ROBO2: variants seen among roughly 807,000 people sequenced by gnomAD.
ROBO2 encodes roundabout homolog 2.
ROBO2 carries 53 observed loss-of-function variants against 160.8 expected under a neutral mutation model. The ratio of observed to expected loss-of-function variants is 0.33; its 90% CI spans 0.26 to 0.41. The LOEUF (loss-of-function observed/expected upper bound fraction) is 0.41. ROBO2 is among the 10% of genes least tolerant of loss of function. ROBO2 has a pLI of 1.00. For synonymous variants in ROBO2, 664 were observed against 611.7 expected (o/e 1.09, Z -1.26); for missense variants, 1,577 against 1,722.4 (o/e 0.92, Z 1.49).
At chr3:76,730,350 C>G (rs149980408) in intron 2 of ROBO2, among the ~76,000 whole-genome samples, 211 of 55,192 alleles carry the variant, frequency 3.8e-3, no homozygotes, top group East Asian at 0.011. Context: ...CTCTCCTCAC[C>G]TCCTACTCCC....
chr3:76,563,077 G>C (rs2084299616), intron 2 of ROBO2, among the ~76,000 whole-genome samples: 1 of 151,970 alleles, frequency 6.6e-6, no homozygotes, highest in African/African-American at 2.4e-5. Context: ...ATCTCTGAAA[G>C]TTTGCCTATC....
chr3:76,338,482 G>A (rs980279606), intron 2 of ROBO2, among the ~76,000 whole-genome samples: 2 of 151,926 alleles, frequency 1.3e-5, no homozygotes, highest in African/African-American at 4.8e-5. Context: ...TTCAAGACCA[G>A]CCTGGGCGTC....
At chr3:76,999,375 T>C (rs146802103) in intron 2 of ROBO2, among the ~76,000 whole-genome samples, 2 of 152,214 alleles carry the variant, frequency 1.3e-5, no homozygotes, top group African/African-American at 4.8e-5. Context: ...GGGTTACCTA[T>C]AAATCCCTTA....
intron 2 of ROBO2, among the ~76,000 whole-genome samples, chr3:76,042,212 A>G: frequency 6.6e-6 from 1 of 152,182 alleles, no homozygotes; most frequent in South Asian, 2.1e-4. Context: ...TGATTAGTAC[A>G]TTAACATAAT....
At chr3:76,180,905 C>T (rs1701471780) in intron 2 of ROBO2, among the ~76,000 whole-genome samples, 1 of 152,116 alleles carries the variant, frequency 6.6e-6, no homozygotes. Context: ...GCCACCCCAC[C>T]TTCCCACTCT....
chr3:77,585,866 T>C (rs569188349), intron 16 of ROBO2, among the ~76,000 whole-genome samples: 1 of 152,236 alleles, frequency 6.6e-6, no homozygotes, highest in East Asian at 1.9e-4. Flanking sequence ...TCCCATTGTC[T>C]ATTCAGAACT....
At chr3:75,987,649 T>C (rs1265296549) in intron 2 of ROBO2, among the ~76,000 whole-genome samples, 1 of 152,044 alleles carries the variant, frequency 6.6e-6, no homozygotes, top group Non-Finnish European at 1.5e-5. Flanking sequence ...GGTAAAACTT[T>C]CAGTCTTTTA....
At chr3:76,486,272 A>C (rs976353528) in intron 2 of ROBO2, among the ~76,000 whole-genome samples, 1 of 152,188 alleles carries the variant, frequency 6.6e-6, no homozygotes, top group Non-Finnish European at 1.5e-5. Flanking sequence ...TGGAGAAGGA[A>C]GAACTCAGAC....
intron 5 of ROBO2, among the ~76,000 whole-genome samples, chr3:77,513,044 A>G (rs2089596620): frequency 6.6e-6 from 1 of 151,918 alleles, no homozygotes; most frequent in East Asian, 1.9e-4. Flanking sequence ...CTTCCAAGAA[A>G]AACAAAGGTG....
chr3:77,389,629 CT>C (rs896195306), intron 2 of ROBO2, among the ~76,000 whole-genome samples: 39 of 152,024 alleles, frequency 2.6e-4, no homozygotes, highest in South Asian at 1.5e-3. Context: ...ATCTTCTTTC[CT>C]TTTTTTCTTC....
rs182448367 is a variant in ROBO2, at chr3:76,137,522, T to C, written c.109+199920T>C. Among the ~76,000 whole-genome samples, 19 of 152,140 alleles carry C rather than the reference T, an allele frequency of 1.2e-4. No homozygotes were observed. In the East Asian group the frequency reaches 2.7e-3, roughly 22 times the overall value. ...GAAATAACTCCAAGAACAGTTTTTA[T>C]ACTTTAATTTCACATTGAAAATTAG... On this transcript the variant is annotated intron_variant, in intron 2 of 26. Coordinates refer to the ROBO2 transcript ENST00000487694.
At chr3:77,272,419 G>C (rs11924337) in intron 2 of ROBO2, among the ~76,000 whole-genome samples, 32,761 of 151,946 alleles carry the variant, frequency 0.22, 3,868 homozygotes, top group Middle Eastern at 0.32. Context: ...AGAAGGGCGG[G>C]GGGGAGGTGT....
At chr3:77,270,725 A>G (rs1209852098) in intron 2 of ROBO2, among the ~76,000 whole-genome samples, 1 of 152,102 alleles carries the variant, frequency 6.6e-6, no homozygotes, top group African/African-American at 2.4e-5. Context: ...TGGGCAGATC[A>G]TGAGCTCAGG....
At chr3:77,398,401 ACAATC>A (rs1553936883) in intron 2 of ROBO2, among the ~76,000 whole-genome samples, 2 of 53,032 alleles carry the variant, frequency 3.8e-5, no homozygotes, top group East Asian at 6.9e-4. Flanking sequence ...TGTTCTTGAA[ACAATC>A]AGAGAGATAC....
Position 76,472,063 on chromosome 3 carries a change from A to ATGTGTGTG in ROBO2, c.109+534492_109+534499dup, listed in dbSNP as rs57259386. ...CAACATTTCTCTGTGGTCTGATAAA[A>ATGTGTGTG]TGTGTGTGTGTGTGTGTGTGTGTGT... On this transcript the variant is annotated intron_variant, in intron 2 of 26. Transcript: ENST00000487694. Among the ~76,000 whole-genome samples the ATGTGTGTG allele has an allele frequency of 8.9e-3, 1,234 of 137,934 alleles. 16 individuals are homozygous for ATGTGTGTG. Among genetic ancestry groups the ATGTGTGTG allele is most frequent in the Middle Eastern group, 0.023 (6 of 262 alleles). 90.5% of individuals were successfully genotyped at this position (137,934 alleles called of 152,430 possible). A position where few individuals can be genotyped will look rare whatever the true frequency, so the allele number is the denominator to read the frequency against.
chr3:77,118,515 A>T (rs1002706241), intron 2 of ROBO2, among the ~76,000 whole-genome samples: 4 of 152,108 alleles, frequency 2.6e-5, no homozygotes, highest in Non-Finnish European at 5.9e-5. Context: ...GCTTCCTCAG[A>T]TGTTTTACAC....
At chr3:76,470,057 C>A (rs2078575589) in intron 2 of ROBO2, among the ~76,000 whole-genome samples, 1 of 152,190 alleles carries the variant, frequency 6.6e-6, no homozygotes, top group Non-Finnish European at 1.5e-5. Context: ...GGCATCAGGT[C>A]CTGTAGATTG....
chr3:77,514,282 G>A (rs2089754978), intron 5 of ROBO2, among the ~76,000 whole-genome samples: 1 of 151,714 alleles, frequency 6.6e-6, no homozygotes. Flanking sequence ...TGTTTAATAG[G>A]AGAATAATTT....
At chr3:76,929,598 G>C (rs2077206318) in intron 2 of ROBO2, among the ~76,000 whole-genome samples, 2 of 152,184 alleles carry the variant, frequency 1.3e-5, no homozygotes, top group African/African-American at 4.8e-5. Flanking sequence ...CAGCAGACAA[G>C]ATGACCCCTT....
Sources: allele counts gnomAD v4.1 joint callset (sites outside exome capture counted in the v4.1 genomes callset), GRCh38; gene constraint gnomAD v4.1.1; transcripts MANE v1.5; gene names NCBI Gene and HGNC (gene_info 2026-07-23, HGNC 2026-07-21).